CPEB1: variants seen among roughly 807,000 people sequenced by gnomAD.
The protein encoded by CPEB1 is cytoplasmic polyadenylation element binding protein 1, also known as cytoplasmic polyadenylation element-binding protein 1.
CPEB1 carries 7 observed loss-of-function variants against 65.8 expected under a neutral mutation model. That is an observed-to-expected ratio of 0.11 (90% confidence interval 0.06 to 0.20). CPEB1 has a LOEUF of 0.20. CPEB1 is among the 10% of genes least tolerant of loss of function. The pLI, the probability that CPEB1 is intolerant of heterozygous loss-of-function variation, is 1.00. For synonymous variants in CPEB1, 262 were observed against 260.0 expected (o/e 1.01, Z -0.08); for missense variants, 551 against 712.2 (o/e 0.77, Z 2.58).
In CPEB1 at chr15:82,571,944, G is replaced by A. The variant is rs2040096808; in HGVS notation, c.272-412C>T. On this transcript the variant is annotated intron_variant, in intron 3 of 12. Coordinates refer to ENST00000684509, the MANE Select transcript of CPEB1 (RefSeq NM_001365242.1). Reference sequence around the variant, plus strand: ...CACAACAGCTACTTGGAATAGTCCCGGTGCAGTGCCGTTAAGTCTGGGTTG... The same window carrying A: ...CACAACAGCTACTTGGAATAGTCCCAGTGCAGTGCCGTTAAGTCTGGGTTG... 1.0e-5 allele frequency: 8 copies of A among 779,702 alleles called. No homozygotes were observed. In the Admixed American group the frequency reaches 1.7e-4, roughly 17 times the overall value. The allele number at this position is 779,702 out of a possible 1,614,324, so 48.3% of individuals were successfully genotyped here.
intron 3 of CPEB1, among the ~76,000 whole-genome samples, chr15:82,585,680 T>C (rs986570495): frequency 1.3e-5 from 2 of 152,198 alleles, no homozygotes; most frequent in Admixed American, 6.5e-5. Context: ...TACAATTATA[T>C]TGTAAAATTC....
At chr15:82,624,493 C>A (rs1012866205) in intron 3 of CPEB1, among the ~76,000 whole-genome samples, 3 of 152,130 alleles carry the variant, frequency 2.0e-5, no homozygotes, top group African/African-American at 7.2e-5. Context: ...TCCTCAAGAT[C>A]TTCCTCCTGC....
intron 1 of CPEB1, among the ~76,000 whole-genome samples, chr15:82,640,475 T>TTTCA (rs2047017360): frequency 2.0e-5 from 3 of 152,130 alleles, no homozygotes. Flanking sequence ...AACAGCCCTG[T>TTTCA]TTCATATCTC....
At position 82,563,503 on chromosome 15, in the gene CPEB1, ATTTT is replaced by A. The variant is rs373097628; in HGVS notation, c.461-5521_461-5518del. Among the ~76,000 whole-genome samples, 358 of 134,778 alleles carry A rather than the reference ATTTT, an allele frequency of 2.7e-3. 1 individual carries two copies. Among genetic ancestry groups the A allele is most frequent in the African/African-American group, 9.3e-3 (340 of 36,440 alleles). 88.4% of individuals were successfully genotyped at this position (134,778 alleles called of 152,430 possible). On this transcript the variant is annotated intron_variant, in intron 4 of 12. Coordinates refer to ENST00000684509, the MANE Select transcript of CPEB1 (RefSeq NM_001365242.1). ...AGCGGCATGCCACCATGTCTGACTA[ATTTT>A]TTTTTTTTTTTTTTGGTAGAGGCAG...
intron 12 of CPEB1, among the ~76,000 whole-genome samples, chr15:82,544,906 G>T (rs888816808): frequency 6.6e-6 from 1 of 152,140 alleles, no homozygotes; most frequent in Admixed American, 6.5e-5. Context: ...CCTTGTTACA[G>T]GTCCCCTTAC....
At position 82,543,557 on chromosome 15, in the gene CPEB1, C is replaced by G. The variant is rs1465853961; in HGVS notation, c.*1035G>C. 1 of 151,832 alleles carries G rather than the reference C, an allele frequency of 6.6e-6. No individual in the cohort carries two copies. Among genetic ancestry groups the G allele is most frequent in the Non-Finnish European group, 1.5e-5 (1 of 67,986 alleles). 9.4% of individuals were successfully genotyped at this position (151,832 alleles called of 1,614,324 possible). A position where few individuals can be genotyped will look rare whatever the true frequency, so the allele number is the denominator to read the frequency against. ...AACTGCAACTGTTATCTCATACATTCCTCAAATTAAAGATATAAGGGAAGG... is the reference window on the plus strand; with the variant it reads ...AACTGCAACTGTTATCTCATACATTGCTCAAATTAAAGATATAAGGGAAGG... On this transcript the variant is annotated 3_prime_UTR_variant, in exon 13 of 13. Transcript: ENST00000684509.
intron 3 of CPEB1, among the ~76,000 whole-genome samples, chr15:82,603,320 A>G (rs2043280818): frequency 6.6e-6 from 1 of 151,934 alleles, no homozygotes; most frequent in African/African-American, 2.4e-5. Flanking sequence ...CGAGCTCACC[A>G]AGTACAGCCA....
intron 1 of CPEB1, among the ~76,000 whole-genome samples, chr15:82,644,783 C>T (rs2151397474): frequency 6.6e-6 from 1 of 152,282 alleles, no homozygotes; most frequent in South Asian, 2.1e-4. Flanking sequence ...GTTTGCAACC[C>T]ATTTTAAAGA....
intron 1 of CPEB1, chr15:82,640,820 C>A (rs1361806065): frequency 6.7e-6 from 1 of 150,252 alleles, no homozygotes; most frequent in Non-Finnish European, 1.5e-5. Flanking sequence ...AATGATCCAA[C>A]AGGGTTGAAC....
At chr15:82,634,290 A>G (rs2046486084) in intron 1 of CPEB1, among the ~76,000 whole-genome samples, 1 of 151,508 alleles carries the variant, frequency 6.6e-6, no homozygotes, top group African/African-American at 2.4e-5. Context: ...CCCAAATTTT[A>G]TATTTATTTG....
At chr15:82,573,997 C>G (rs1189647532) in intron 3 of CPEB1, among the ~76,000 whole-genome samples, 1 of 152,042 alleles carries the variant, frequency 6.6e-6, no homozygotes, top group African/African-American at 2.4e-5. Context: ...ATGTGTACAA[C>G]TAACACAATC....
chr15:82,549,711 G>C (rs2035910202), intron 9 of CPEB1, 53 bp from the exon 10 acceptor site: 1 of 1,562,734 alleles, frequency 6.4e-7, no homozygotes, highest in Non-Finnish European at 8.8e-7. Flanking sequence ...CAGAGAGAGA[G>C]GTGCTTGCAC....
chr15:82,643,484 C>A (rs1403052476), intron 1 of CPEB1, among the ~76,000 whole-genome samples: 1 of 152,026 alleles, frequency 6.6e-6, no homozygotes. Context: ...CAAAAATTAG[C>A]CGGGCGTGGT....
chr15:82,578,609 T>A, intron 3 of CPEB1, among the ~76,000 whole-genome samples: 1 of 151,884 alleles, frequency 6.6e-6, no homozygotes, highest in Admixed American at 6.6e-5. Context: ...ATACAAAAAT[T>A]AGCCGGGTGT....
chr15:82,591,235 T>C (rs1442188662), intron 3 of CPEB1, among the ~76,000 whole-genome samples: 3 of 152,112 alleles, frequency 2.0e-5, no homozygotes, highest in Non-Finnish European at 4.4e-5. Context: ...GGTAGTAACT[T>C]ACTGTGGTTT....
In CPEB1 at chr15:82,555,888, G is replaced by A; in HGVS notation, c.922C>T (p.Leu308=). 6.2e-7 allele frequency: 1 copy of A among 1,612,914 alleles called. No homozygotes were observed. Among genetic ancestry groups the A allele is most frequent in the Non-Finnish European group, 8.5e-7 (1 of 1,179,514 alleles). ...DPFSIEREAR[L]HRQAAAVNEA... ...CACTCACCTGCAGCTTGTCGGTGCA[G>A]CCTGGCCTCTCTCTCTATGCTGAAG... The change falls in exon 6 of 13, where the codon CTG becomes TTG. Residue 308 remains leucine, a synonymous_variant. Coordinates refer to ENST00000684509, the MANE Select transcript of CPEB1 (RefSeq NM_001365242.1).
At chr15:82,591,777 A>G (rs1039024303) in intron 3 of CPEB1, among the ~76,000 whole-genome samples, 1 of 151,946 alleles carries the variant, frequency 6.6e-6, no homozygotes, top group Non-Finnish European at 1.5e-5. Context: ...AGATCATACA[A>G]TATTTAAAAA....
At chr15:82,608,928 G>A (rs1179080297) in intron 3 of CPEB1, among the ~76,000 whole-genome samples, 6 of 152,142 alleles carry the variant, frequency 3.9e-5, no homozygotes, top group Non-Finnish European at 7.3e-5. Context: ...CTCCAGGACA[G>A]ACCATATGTT....
intron 3 of CPEB1, among the ~76,000 whole-genome samples, chr15:82,622,863 C>T (rs1462858404): frequency 6.6e-6 from 1 of 152,200 alleles, no homozygotes; most frequent in Non-Finnish European, 1.5e-5. Context: ...CATCCTACCC[C>T]ACCCTCCTCC....
Sources: allele counts gnomAD v4.1 joint callset (sites outside exome capture counted in the v4.1 genomes callset), GRCh38; gene constraint gnomAD v4.1.1; transcripts MANE v1.5; gene names NCBI Gene and HGNC (gene_info 2026-07-23, HGNC 2026-07-21).